Variants in KLHL14 observed in about 807,000 individuals in gnomAD.
KLHL14 encodes kelch like family member 14.
Under a neutral mutation model 64.3 loss-of-function variants are expected in KLHL14, and 22 were observed. The observed-to-expected ratio is 0.34, with a 90% CI of 0.24 to 0.49. The LOEUF (loss-of-function observed/expected upper bound fraction) is 0.49, where lower values mean the gene tolerates loss of function less well. Ranked by LOEUF, KLHL14 falls within the 20% of genes least tolerant of loss-of-function variation. KLHL14 has a pLI of 0.99. For synonymous variants in KLHL14, 322 were observed against 333.4 expected (o/e 0.97, Z 0.37); for missense variants, 661 against 789.0 (o/e 0.84, Z 1.94).
chr18:32,741,875 C>T (rs926125028), intron 3 of KLHL14, 53 bp downstream of exon 3: 19 of 1,485,684 alleles, frequency 1.3e-5, no homozygotes, highest in South Asian at 4.0e-5. Flanking sequence ...ATCAAGACAG[C>T]GCTAACCTGA....
intron 2 of KLHL14, chr18:32,743,867 T>C (rs995710507): frequency 2.0e-5 from 3 of 152,234 alleles, no homozygotes; most frequent in African/African-American, 7.2e-5. Flanking sequence ...AGAGCTGATA[T>C]ATGACCATTT....
chr18:32,704,533 A>G (rs1598556112), intron 3 of KLHL14, among the ~76,000 whole-genome samples: 1 of 151,718 alleles, frequency 6.6e-6, no homozygotes, highest in Non-Finnish European at 1.5e-5. Flanking sequence ...GACCAGCCTG[A>G]CTAACATGGT....
At chr18:32,686,177 A>ATTTTTTTTTTTTTTT (rs148393455) in intron 5 of KLHL14, among the ~76,000 whole-genome samples, 27 of 107,652 alleles carry the variant, frequency 2.5e-4, no homozygotes, top group Non-Finnish European at 3.6e-4. Flanking sequence ...GTGCCCGGCT[A>ATTTTTTTTTTTTTTT]TTTTTTTTTT....
Position 32,688,446 on chromosome 18 carries a change from C to T in KLHL14, c.1160-1213G>A, listed in dbSNP as rs182806851. ...GTATCCTTATAAATGAATAAACAAA[C>T]ATATAATATCAAGTAGCGATGAACG... On this transcript the variant is annotated intron_variant, in intron 4 of 8. Coordinates refer to ENST00000359358, the MANE Select transcript of KLHL14 (RefSeq NM_020805.3). Among the ~76,000 whole-genome samples the T allele has an allele frequency of 1.8e-3, 271 of 152,318 alleles. 4 individuals are homozygous for T. The highest frequency in any genetic ancestry group is 2.0e-3 in the Non-Finnish European group (139 of 68,022).
intron 3 of KLHL14, among the ~76,000 whole-genome samples, chr18:32,728,274 G>T (rs2050117449): frequency 6.6e-6 from 1 of 152,104 alleles, no homozygotes; most frequent in Non-Finnish European, 1.5e-5. Context: ...AAGACTGCAG[G>T]CTCTGAAGCT....
Position 32,674,542 on chromosome 18 carries a change from CA to C in KLHL14, c.*114del. The stretch of plus-strand genomic sequence containing the variant: ...TAGTTACTTATAAATCATCAGAAAC[CA>C]AGGGTGGGTTTTGGCAGTTGTACCA... On this transcript the variant is annotated 3_prime_UTR_variant, in exon 9 of 9. Transcript: ENST00000359358. 1.5e-6 allele frequency: 1 copy of C among 663,878 alleles called. No individual in the cohort carries two copies. The highest frequency in any genetic ancestry group is 1.9e-5 in the South Asian group (1 of 53,058). The allele number at this position is 663,878 out of a possible 1,614,324, so 41.1% of individuals were successfully genotyped here.
At chr18:32,716,149 A>G (rs1420095943) in intron 3 of KLHL14, among the ~76,000 whole-genome samples, 1 of 152,204 alleles carries the variant, frequency 6.6e-6, no homozygotes, top group Non-Finnish European at 1.5e-5. Context: ...AATGATGACT[A>G]TATTTTTAAA....
rs927691629 is a variant in KLHL14, at chr18:32,680,029, A to C, written c.1588+140T>G. 2.7e-5 allele frequency: 23 copies of C among 841,806 alleles called. No individual in the cohort carries two copies. Among genetic ancestry groups the C allele is most frequent in the Non-Finnish European group, 3.6e-5 (20 of 556,554 alleles). The allele number at this position is 841,806 out of a possible 1,614,324, so 52.1% of individuals were successfully genotyped here. On this transcript the variant is annotated intron_variant, in intron 7 of 8. Coordinates refer to ENST00000359358, the MANE Select transcript of KLHL14 (RefSeq NM_020805.3). The surrounding 1 kb of genome is among the most constrained non-coding windows in gnomAD (Gnocchi z 4.8). ...TAAATGCTTGCTCAAGGGTACTGCC[A>C]ATTTACACAGAGTAGATTTTATTAG...
At position 32,674,632 on chromosome 18, in the gene KLHL14, C is replaced by T. The variant is rs1258879021; in HGVS notation, c.*25G>A. 2 of 778,660 alleles carry T rather than the reference C, an allele frequency of 2.6e-6. No individual in the cohort carries two copies. Among genetic ancestry groups the T allele is most frequent in the Non-Finnish European group, 4.8e-6 (2 of 416,662 alleles). 48.2% of individuals were successfully genotyped at this position (778,660 alleles called of 1,614,324 possible). A position where few individuals can be genotyped will look rare whatever the true frequency, so the allele number is the denominator to read the frequency against. Reference sequence around the variant, plus strand: ...TGCCATTGCTTCCTAGAATGTGATACTGTTCATTCCAGAGTTTCCTGGTGT... The same window carrying T: ...TGCCATTGCTTCCTAGAATGTGATATTGTTCATTCCAGAGTTTCCTGGTGT... On this transcript the variant is annotated 3_prime_UTR_variant, in exon 9 of 9. Transcript: ENST00000359358.
intron 3 of KLHL14, among the ~76,000 whole-genome samples, chr18:32,728,365 T>C (rs150934934): frequency 3.9e-4 from 59 of 152,338 alleles, no homozygotes; most frequent in African/African-American, 1.4e-3. Flanking sequence ...TGTGCCTCCA[T>C]TTCTGCATCT....
At chr18:32,687,847 C>T (rs915156424) in intron 4 of KLHL14, among the ~76,000 whole-genome samples, 2 of 152,150 alleles carry the variant, frequency 1.3e-5, no homozygotes, top group Non-Finnish European at 2.9e-5. Context: ...TCTCTCTGTT[C>T]AAACAATAGC....
At chr18:32,711,308 G>A (rs1041149350) in intron 3 of KLHL14, among the ~76,000 whole-genome samples, 16 of 152,118 alleles carry the variant, frequency 1.1e-4, no homozygotes, top group African/African-American at 3.9e-4. Flanking sequence ...AGCATTTGGG[G>A]AGAAGGAGTA....
At chr18:32,764,207 A>T (rs2050328796) in intron 2 of KLHL14, among the ~76,000 whole-genome samples, 1 of 152,214 alleles carries the variant, frequency 6.6e-6, no homozygotes, top group South Asian at 2.1e-4. Flanking sequence ...TGATTAAAAT[A>T]TCATATAAAC....
intron 2 of KLHL14, chr18:32,744,923 C>G (rs1412868070): frequency 6.6e-6 from 1 of 152,244 alleles, no homozygotes; most frequent in African/African-American, 2.4e-5. Flanking sequence ...TAACACCCTC[C>G]ACCCCTGCCA....
intron 3 of KLHL14, among the ~76,000 whole-genome samples, chr18:32,726,881 T>G (rs7234772): frequency 0.3 from 44,901 of 152,024 alleles, 6,901 homozygotes; most frequent in African/African-American, 0.37. Flanking sequence ...TAACCCACTT[T>G]CAGCAGAATA....
intron 3 of KLHL14, among the ~76,000 whole-genome samples, chr18:32,728,283 C>T (rs571001340): frequency 6.6e-6 from 1 of 152,260 alleles, no homozygotes; most frequent in South Asian, 2.1e-4. Context: ...GGCTCTGAAG[C>T]TTTATTCGGG....
At chr18:32,697,794 G>C (rs2049944230) in intron 3 of KLHL14, among the ~76,000 whole-genome samples, 1 of 152,058 alleles carries the variant, frequency 6.6e-6, no homozygotes, top group Admixed American at 6.6e-5. Context: ...ATTGCACTGA[G>C]CTAACTATTG....
Position 32,680,079 on chromosome 18 carries a change from A to T in KLHL14, c.1588+90T>A. On this transcript the variant is annotated intron_variant, in intron 7 of 8. Transcript: ENST00000359358. This position sits in a 1 kb window ranked among gnomAD's most constrained non-coding sequence, Gnocchi z 4.8. ...GGTCAACATGTTTTTTACTTGGTTA[A>T]CTATGATTATCTAAGGAGAAACCCC... 7.7e-7 allele frequency: 1 copy of T among 1,298,148 alleles called. No homozygotes were observed. Among genetic ancestry groups the T allele is most frequent in the Non-Finnish European group, 1.1e-6 (1 of 942,944 alleles). 80.4% of individuals were successfully genotyped at this position (1,298,148 alleles called of 1,614,324 possible). A position where few individuals can be genotyped will look rare whatever the true frequency, so the allele number is the denominator to read the frequency against.
intron 2 of KLHL14, among the ~76,000 whole-genome samples, chr18:32,749,987 T>C (rs2050243028): frequency 6.6e-6 from 1 of 151,896 alleles, no homozygotes; most frequent in South Asian, 2.1e-4. Context: ...ATTCTGTTCC[T>C]AGTGAGGGCC....
Sources: gnomAD v4.1 joint callset for allele counts (sites outside exome capture counted in the v4.1 genomes callset) on GRCh38, gnomAD v4.1.1 for gene constraint, Gnocchi (gnomAD v3.1) non-coding constraint, MANE v1.5 for transcripts, NCBI Gene and HGNC (gene_info 2026-07-23, HGNC 2026-07-21) for gene names.